WIPF2: variants seen among roughly 807,000 people sequenced by gnomAD.
WIPF2 encodes WAS/WASL interacting protein family member 2.
Under a neutral mutation model 38.8 loss-of-function variants are expected in WIPF2, and 23 were observed. That is an observed-to-expected ratio of 0.59 (90% CI 0.43 to 0.84). WIPF2 has a LOEUF of 0.84. Ranked by LOEUF, WIPF2 falls within the 40% of genes least tolerant of loss-of-function variation. The pLI, the probability that WIPF2 is intolerant of heterozygous loss-of-function variation, is 0.00. For missense variants in WIPF2, 574 were observed against 580.5 expected, an observed-to-expected ratio of 0.99 and a Z score of 0.11; for synonymous variants, 210 against 223.2, an observed-to-expected ratio of 0.94 and a Z score of 0.53.
chr17:40,277,116 T>C lies in WIPF2; in HGVS notation c.1214T>C (p.Val405Ala). The C allele has an allele frequency of 6.2e-7, 1 of 1,613,534 alleles. No homozygotes were observed. The highest frequency in any genetic ancestry group is 8.5e-7 in the Non-Finnish European group (1 of 1,179,758). The change falls in exon 7 of 8, where the codon GTA becomes GCA. Residue 405 changes from valine (V) to alanine (A), a missense_variant. Coordinates refer to ENST00000323571, the MANE Select transcript of WIPF2 (RefSeq NM_133264.5). ...GAGTCAAAGTATTCCTTCCATCCAG[T>C]AGAAGACTTTCCTGCTCCAGAAGAA... ...DFESKYSFHP[V>A]EDFPAPEEYK...
At chr17:40,275,057 T>C (rs912832630) in intron 6 of WIPF2, among the ~76,000 whole-genome samples, 2 of 150,112 alleles carry the variant, frequency 1.3e-5, no homozygotes, top group African/African-American at 2.5e-5. Flanking sequence ...CTGGCTAACA[T>C]AGTGAAACCC....
intron 1 of WIPF2, among the ~76,000 whole-genome samples, chr17:40,242,855 A>G (rs963753578): frequency 1.3e-5 from 2 of 152,202 alleles, no homozygotes; most frequent in South Asian, 2.1e-4. Context: ...ACGTCCGCCT[A>G]TCTCCCAGTG....
Position 40,274,522 on chromosome 17 carries a change from T to G in WIPF2, c.1180+523T>G, listed in dbSNP as rs1266557018. Among the ~76,000 whole-genome samples, 3 of 111,674 alleles carry G rather than the reference T, an allele frequency of 2.7e-5. No individual in the cohort carries two copies. In the Admixed American group the frequency reaches 4.3e-4, roughly 16 times the overall value. The allele number at this position is 111,674 out of a possible 152,430, so 73.3% of individuals were successfully genotyped here. ...TCCCAAAGTGCTGGGATTACACATGTGAGCCATCACATCCAGCCTTTCCTT... is the reference window on the plus strand; with the variant it reads ...TCCCAAAGTGCTGGGATTACACATGGGAGCCATCACATCCAGCCTTTCCTT... On this transcript the variant is annotated intron_variant, in intron 6 of 7. Transcript: ENST00000323571.
intron 2 of WIPF2, among the ~76,000 whole-genome samples, chr17:40,258,673 T>G (rs1190229228): frequency 6.6e-6 from 1 of 152,034 alleles, no homozygotes; most frequent in Non-Finnish European, 1.5e-5. Context: ...TAGGTGGTGA[T>G]ACTTGAGCTG....
At position 40,263,623 on chromosome 17, in the gene WIPF2, A is replaced by C. The variant is rs946957030; in HGVS notation, c.314-867A>C. Among the ~76,000 whole-genome samples, 17 of 141,920 alleles carry C rather than the reference A, an allele frequency of 1.2e-4. No homozygotes were observed. The East Asian group carries it at 1.9e-3, about 16-fold the overall frequency. 93.1% of individuals were successfully genotyped at this position (141,920 alleles called of 152,430 possible). On this transcript the variant is annotated intron_variant, in intron 4 of 7. Coordinates refer to ENST00000323571, the MANE Select transcript of WIPF2 (RefSeq NM_133264.5). ...AGTGGTGCCATCTTGGCTCACTGCAACTTCCGCCTCCTGGGTTCAAGCCAT... is the reference window on the plus strand; with the variant it reads ...AGTGGTGCCATCTTGGCTCACTGCACCTTCCGCCTCCTGGGTTCAAGCCAT...
intron 1 of WIPF2, among the ~76,000 whole-genome samples, chr17:40,222,565 C>T (rs936837568): frequency 7.3e-6 from 1 of 136,548 alleles, no homozygotes; most frequent in Non-Finnish European, 1.6e-5. Flanking sequence ...TTCCTCTTAG[C>T]CTTGCTCATG....
At chr17:40,233,113 C>T (rs1294494328) in intron 1 of WIPF2, among the ~76,000 whole-genome samples, 1 of 152,174 alleles carries the variant, frequency 6.6e-6, no homozygotes, top group East Asian at 1.9e-4. Context: ...CAGCCTGCTG[C>T]CATTTGAGTT....
intron 1 of WIPF2, among the ~76,000 whole-genome samples, chr17:40,254,834 A>G (rs2031669361): frequency 6.6e-6 from 1 of 151,890 alleles, no homozygotes; most frequent in Admixed American, 6.6e-5. Flanking sequence ...GGATTCAAGC[A>G]GTTCTCCTGT....
rs2031733542 is a variant in WIPF2 at position 40,256,465 on chromosome 17, A to G, written c.6A>G (p.Pro2=). 6.2e-7 allele frequency: 1 copy of G among 1,609,100 alleles called. No individual in the cohort carries two copies. The part of the protein sequence containing the change: M[P]IPPPPPPPPG... ...CAACTGGGAGCAGGGCAAGAATGCC[A>G]ATTCCTCCTCCCCCGCCACCCCCAC... The change falls in exon 2 of 8, where the codon CCA becomes CCG. Residue 2 remains proline, a synonymous_variant. Transcript: ENST00000323571.
In WIPF2 at chr17:40,235,337, C is replaced by T. The variant is rs543489316; in HGVS notation, c.-70+15845C>T. ...TACAAAAGAAAAAAAATTTAGCGCC[C>T]AGTATAATGACTGTATCATTCGATT... On this transcript the variant is annotated intron_variant, in intron 1 of 7. Coordinates refer to ENST00000323571, the MANE Select transcript of WIPF2 (RefSeq NM_133264.5). Among the ~76,000 whole-genome samples the T allele has an allele frequency of 8.2e-4, 125 of 152,270 alleles. 2 individuals are homozygous for T. Among genetic ancestry groups the T allele is most frequent in the African/African-American group, 2.9e-3 (120 of 41,552 alleles).
At chr17:40,223,599 G>GTTTT (rs527827847) in intron 1 of WIPF2, among the ~76,000 whole-genome samples, 2 of 130,304 alleles carry the variant, frequency 1.5e-5, no homozygotes, top group Non-Finnish European at 3.3e-5. Flanking sequence ...TTTTTTTTGG[G>GTTTT]TTTTTTTTTT....
intron 1 of WIPF2, among the ~76,000 whole-genome samples, chr17:40,235,820 T>A (rs1348060852): frequency 6.6e-6 from 1 of 151,828 alleles, no homozygotes; most frequent in Non-Finnish European, 1.5e-5. Context: ...GTGATCTGCC[T>A]GTCTTGGCCT....
chr17:40,254,336 C>T (rs1356427251), intron 1 of WIPF2, among the ~76,000 whole-genome samples: 2 of 152,082 alleles, frequency 1.3e-5, no homozygotes, highest in East Asian at 3.9e-4. Context: ...TATTAATAAC[C>T]TTGCTTAGAA....
chr17:40,270,001 T>A (rs931864841), intron 5 of WIPF2, among the ~76,000 whole-genome samples: 1 of 152,124 alleles, frequency 6.6e-6, no homozygotes, highest in Non-Finnish European at 1.5e-5. Flanking sequence ...CTGTCTCCCA[T>A]CCCAGGACTT....
At chr17:40,246,556 G>C (rs555671578) in intron 1 of WIPF2, among the ~76,000 whole-genome samples, 1 of 151,360 alleles carries the variant, frequency 6.6e-6, no homozygotes, top group Non-Finnish European at 1.5e-5. Flanking sequence ...CTGACACCAC[G>C]CCCAACCAAT....
rs1324952267 is a variant in WIPF2 at position 40,278,335 on chromosome 17, A to G, written c.*110A>G. 2 of 1,314,324 alleles carry G rather than the reference A, an allele frequency of 1.5e-6. No individual in the cohort carries two copies. Among genetic ancestry groups the G allele is most frequent in the African/African-American group, 3.0e-5 (2 of 67,774 alleles). 81.4% of individuals were successfully genotyped at this position (1,314,324 alleles called of 1,614,324 possible). A position where few individuals can be genotyped will look rare whatever the true frequency, so the allele number is the denominator to read the frequency against. On this transcript the variant is annotated 3_prime_UTR_variant, in exon 8 of 8. Coordinates refer to ENST00000323571, the MANE Select transcript of WIPF2 (RefSeq NM_133264.5). Reference sequence around the variant, plus strand: ...TGAGAGCTCCTAACATGTTTCTCCAATGCAATCAAGCCCTAGACTCCAAAT... The same window carrying G: ...TGAGAGCTCCTAACATGTTTCTCCAGTGCAATCAAGCCCTAGACTCCAAAT...
At position 40,254,636 on chromosome 17, in the gene WIPF2, C is replaced by T. The variant is rs184866221; in HGVS notation, c.-69-1755C>T. ...TGATCTGATAAATGGCTGTCAGATT[C>T]CAGGGATGTGACTATACCAGATGTT... On this transcript the variant is annotated intron_variant, in intron 1 of 7. Transcript: ENST00000323571. Among the ~76,000 whole-genome samples, 74 of 152,140 alleles carry T rather than the reference C, an allele frequency of 4.9e-4. No homozygotes were observed. The East Asian group carries it at 0.014, about 29-fold the overall frequency.
At position 40,282,470 on chromosome 17, in the gene WIPF2, T is replaced by C. The variant is rs961356331; in HGVS notation, c.*4245T>C. The C allele has an allele frequency of 5.3e-5, 8 of 152,136 alleles. No individual in the cohort carries two copies. The East Asian group carries it at 5.8e-4, about 11-fold the overall frequency. The allele number at this position is 152,136 out of a possible 1,614,324, so 9.4% of individuals were successfully genotyped here. A position where few individuals can be genotyped will look rare whatever the true frequency, so the allele number is the denominator to read the frequency against. On this transcript the variant is annotated 3_prime_UTR_variant, in exon 8 of 8. Transcript: ENST00000323571. Reference sequence around the variant, plus strand: ...GTGTGCGTGCGCACGCGTGTGCGTGTGTGTGTTCATCTGTCTGCATGTGGA... The same window carrying C: ...GTGTGCGTGCGCACGCGTGTGCGTGCGTGTGTTCATCTGTCTGCATGTGGA...
intron 1 of WIPF2, among the ~76,000 whole-genome samples, chr17:40,227,262 A>C (rs2030534631): frequency 6.6e-6 from 1 of 151,964 alleles, no homozygotes; most frequent in African/African-American, 2.4e-5. Context: ...GCTGGTCTCA[A>C]ACTCCTGACC....
Sources: allele counts gnomAD v4.1 joint callset (sites outside exome capture counted in the v4.1 genomes callset), GRCh38; gene constraint gnomAD v4.1.1; transcripts MANE v1.5; gene names NCBI Gene and HGNC (gene_info 2026-07-23, HGNC 2026-07-21).